Variants in PRR16 observed in about 807,000 individuals in gnomAD.
PRR16 encodes the protein protein Largen.
A neutral mutation model predicts 18.2 loss-of-function variants in PRR16; 6 were observed. The observed-to-expected ratio is 0.33, with a 90% CI of 0.18 to 0.65. PRR16 has a LOEUF of 0.65. PRR16 is among the 30% of genes least tolerant of loss of function. The pLI, the probability that PRR16 is intolerant of heterozygous loss-of-function variation, is 0.74. For synonymous variants in PRR16, 151 were observed against 147.8 expected (o/e 1.02, Z -0.16); for missense variants, 412 against 376.6 (o/e 1.09, Z -0.78).
chr5:120,471,010 C>T (rs1241421613), intron 1 of PRR16, among the ~76,000 whole-genome samples: 1 of 152,052 alleles, frequency 6.6e-6, no homozygotes, highest in Non-Finnish European at 1.5e-5. Context: ...CAAATTTTTG[C>T]TTGCAGCAGC....
the PRR16 span, among the ~76,000 whole-genome samples, chr5:120,729,071 T>C: frequency 6.6e-6 from 1 of 152,142 alleles, no homozygotes; most frequent in Non-Finnish European, 1.5e-5. Flanking sequence ...TTTTGCTGAT[T>C]CACTGCTCAT....
At chr5:120,670,819 A>G (rs147226640) in intron 1 of PRR16, among the ~76,000 whole-genome samples, 1 of 152,290 alleles carries the variant, frequency 6.6e-6, no homozygotes, top group Non-Finnish European at 1.5e-5. Flanking sequence ...TGTTTTCACT[A>G]ACGCAAAAAT....
downstream of PRR16, among the ~76,000 whole-genome samples, chr5:120,690,730 A>C (rs1757199694): frequency 6.6e-6 from 1 of 152,176 alleles, no homozygotes; most frequent in Non-Finnish European, 1.5e-5. Flanking sequence ...AAATAATGGC[A>C]GATGTGATGC....
intron 1 of PRR16, among the ~76,000 whole-genome samples, chr5:120,543,438 T>G (rs981384214): frequency 1.3e-5 from 2 of 152,174 alleles, no homozygotes; most frequent in African/African-American, 4.8e-5. Context: ...TTTAGTCACT[T>G]AGAAATCAGT....
rs146046793 is a variant in PRR16 at position 120,627,554 on chromosome 5, C to T, written c.160-58400C>T. Among the ~76,000 whole-genome samples the T allele has an allele frequency of 8.0e-4, 121 of 152,140 alleles. 1 individual carries two copies. Among genetic ancestry groups the T allele is most frequent in the African/African-American group, 2.8e-3 (118 of 41,528 alleles). Reference sequence around the variant, plus strand: ...GGAGAAAAGAATGATCCTACACATACACAACATATTCATCTGAAAATAATG... The same window carrying T: ...GGAGAAAAGAATGATCCTACACATATACAACATATTCATCTGAAAATAATG... On this transcript the variant is annotated intron_variant, in intron 1 of 1. Transcript: ENST00000407149.
chr5:120,520,546 T>C (rs1751140578), intron 1 of PRR16, among the ~76,000 whole-genome samples: 4 of 152,248 alleles, frequency 2.6e-5, no homozygotes, highest in South Asian at 2.1e-4. Context: ...AGAAACTCTT[T>C]ATTCAAATCT....
Position 120,489,712 on chromosome 5 carries a change from G to T in PRR16, c.159+25067G>T, listed in dbSNP as rs199564223. Among the ~76,000 whole-genome samples, 436 of 152,154 alleles carry T rather than the reference G, an allele frequency of 2.9e-3. 8 individuals are homozygous for T. In the East Asian group the frequency reaches 0.042, roughly 15 times the overall value. On this transcript the variant is annotated intron_variant, in intron 1 of 1. Transcript: ENST00000407149. ...CTGTCATTATGATGTTAGCTGGTTA[G>T]TTTGCTCGTTAGTTGATGCAGTTTC...
intron 1 of PRR16, among the ~76,000 whole-genome samples, chr5:120,584,708 T>C (rs1753383000): frequency 6.6e-6 from 1 of 152,196 alleles, no homozygotes; most frequent in Admixed American, 6.5e-5. Flanking sequence ...AGTAATTTCC[T>C]CAACCAGGAG....
chr5:120,642,852 A>G (rs1281743943), intron 1 of PRR16, among the ~76,000 whole-genome samples: 1 of 152,032 alleles, frequency 6.6e-6, no homozygotes, highest in Non-Finnish European at 1.5e-5. Context: ...TCACCTGTAT[A>G]ACATATTGTT....
At chr5:120,782,379 C>A in the PRR16 span, among the ~76,000 whole-genome samples, 5 of 152,162 alleles carry the variant, frequency 3.3e-5, no homozygotes, top group Non-Finnish European at 7.3e-5. Flanking sequence ...TTATTAAGGT[C>A]TACAGTCACC....
intron 1 of PRR16, among the ~76,000 whole-genome samples, chr5:120,490,926 C>G (rs1040550440): frequency 2.6e-5 from 4 of 152,116 alleles, no homozygotes; most frequent in Non-Finnish European, 4.4e-5. Context: ...CACTCCAGAC[C>G]CTGTTTGCCT....
chr5:120,563,225 C>G (rs1217217654), intron 1 of PRR16, among the ~76,000 whole-genome samples: 1 of 152,146 alleles, frequency 6.6e-6, no homozygotes, highest in African/African-American at 2.4e-5. Flanking sequence ...CTCACCAAGG[C>G]CTGCTGTAAC....
At chr5:120,699,283 A>G in the PRR16 span, among the ~76,000 whole-genome samples, 2 of 152,160 alleles carry the variant, frequency 1.3e-5, no homozygotes, top group South Asian at 2.1e-4. Context: ...GGCTTGTACT[A>G]TAGCATAACC....
intron 1 of PRR16, among the ~76,000 whole-genome samples, chr5:120,577,626 T>C (rs1441571870): frequency 1.3e-5 from 2 of 152,148 alleles, no homozygotes; most frequent in Non-Finnish European, 2.9e-5. Context: ...ATGTTTACTT[T>C]GGGTAGGTAA....
chr5:120,670,119 A>G (rs377396710), intron 1 of PRR16, among the ~76,000 whole-genome samples: 2 of 152,142 alleles, frequency 1.3e-5, no homozygotes, highest in African/African-American at 4.8e-5. Flanking sequence ...CAGATTCACA[A>G]TGGGATTGGT....
At chr5:120,625,356 A>G (rs1039352325) in intron 1 of PRR16, among the ~76,000 whole-genome samples, 1 of 152,092 alleles carries the variant, frequency 6.6e-6, no homozygotes, top group African/African-American at 2.4e-5. Flanking sequence ...TTGAGACAAG[A>G]TCTTGCTGTG....
the PRR16 span, among the ~76,000 whole-genome samples, chr5:120,745,847 C>A: frequency 6.7e-6 from 1 of 148,314 alleles, no homozygotes; most frequent in Non-Finnish European, 1.5e-5. Context: ...TACAGGCACC[C>A]GCCACCACGC....
At chr5:120,572,822 G>A (rs1011893752) in intron 1 of PRR16, among the ~76,000 whole-genome samples, 1 of 152,154 alleles carries the variant, frequency 6.6e-6, no homozygotes, top group African/African-American at 2.4e-5. Context: ...ATTTGAAGAT[G>A]TAGGGAATGG....
At chr5:120,729,292 T>C in the PRR16 span, among the ~76,000 whole-genome samples, 1 of 152,154 alleles carries the variant, frequency 6.6e-6, no homozygotes, top group Non-Finnish European at 1.5e-5. Flanking sequence ...ATATTCAGAT[T>C]CATGCTCTCC....
Sources: gnomAD v4.1 joint callset for allele counts (sites outside exome capture counted in the v4.1 genomes callset) on GRCh38, gnomAD v4.1.1 for gene constraint, MANE v1.5 for transcripts, NCBI Gene and HGNC (gene_info 2026-07-23, HGNC 2026-07-21) for gene names.